The following PTPRF variants were observed in gnomAD, a reference collection of about 807,000 sequenced individuals.
PTPRF encodes the protein protein tyrosine phosphatase receptor type F, also known as receptor-type tyrosine-protein phosphatase F.
In PTPRF, 59 loss-of-function variants were observed where a neutral mutation model predicts 201.8. The ratio of observed to expected loss-of-function variants is 0.29; its 90% CI spans 0.24 to 0.36. The LOEUF (loss-of-function observed/expected upper bound fraction) is 0.36. Among genes scored for constraint, PTPRF ranks in the 10% least tolerant of loss-of-function variants. PTPRF has a pLI of 1.00. For missense variants in PTPRF, 2,132 were observed against 2,690.5 expected, an observed-to-expected ratio of 0.79 and a Z score of 4.59; for synonymous variants, 1,088 against 1,089.7, an observed-to-expected ratio of 1.00 and a Z score of 0.03.
chr1:43,602,067 T>G lies in PTPRF; in HGVS notation c.2314-4T>G. ...CTCCCTTTCTCTCCCTCTCCCGCGG[T>G]CAGTGGCGGCCAGAGGAGTCCGAGG... On this transcript the variant is annotated splice_region_variant and splice_polypyrimidine_tract_variant and intron_variant, in intron 13 of 33. Transcript: ENST00000359947. 6.2e-7 allele frequency: 1 copy of G among 1,612,654 alleles called. No homozygotes were observed. Among genetic ancestry groups the G allele is most frequent in the Non-Finnish European group, 8.5e-7 (1 of 1,178,716 alleles).
intron 1 of PTPRF, among the ~76,000 whole-genome samples, chr1:43,533,281 C>T (rs1643791101): frequency 6.6e-6 from 1 of 152,114 alleles, no homozygotes; most frequent in Admixed American, 6.5e-5. Flanking sequence ...TACAAGGCTG[C>T]CAAGAGAGGA....
At chr1:43,532,726 GT>G (rs11350891) in intron 1 of PTPRF, 152,284 of 154,652 alleles carry the variant, frequency 0.98, 75,033 homozygotes, top group East Asian at 1. Flanking sequence ...GAAAATCCCT[GT>G]TTTTTTACTG....
At chr1:43,538,732 C>A (rs1419993248) in intron 2 of PTPRF, among the ~76,000 whole-genome samples, 1 of 152,190 alleles carries the variant, frequency 6.6e-6, no homozygotes, top group Non-Finnish European at 1.5e-5. Context: ...AAAGACTGTT[C>A]CCATCGACTG....
chr1:43,553,690 C>T lies in PTPRF; in HGVS notation c.237+53C>T. 1.9e-6 allele frequency: 3 copies of T among 1,610,600 alleles called. No individual in the cohort carries two copies. The highest frequency in any genetic ancestry group is 2.5e-6 in the Non-Finnish European group (3 of 1,177,878). ...AGGGCTCAGGGTCTGCCCACACTCTCTCCTTTCAGTGTCCCTCCTCATGGA... is the reference window on the plus strand; with the variant it reads ...AGGGCTCAGGGTCTGCCCACACTCTTTCCTTTCAGTGTCCCTCCTCATGGA... On this transcript the variant is annotated intron_variant, in intron 4 of 33. Transcript: ENST00000359947. This position sits in a 1 kb window ranked among gnomAD's most constrained non-coding sequence, Gnocchi z 4.1.
intron 14 of PTPRF, among the ~76,000 whole-genome samples, chr1:43,602,389 C>T (rs955519125): frequency 3.9e-5 from 6 of 152,232 alleles, no homozygotes; most frequent in East Asian, 1.9e-4. Context: ...CAATCCTGAT[C>T]GTTAGGCCTT....
chr1:43,587,670 G>A (rs1000669740), intron 7 of PTPRF, among the ~76,000 whole-genome samples: 1 of 152,196 alleles, frequency 6.6e-6, no homozygotes, highest in African/African-American at 2.4e-5. Context: ...CAGTGCTCTT[G>A]GGTACTGACT....
At chr1:43,610,771 A>G (rs1656243691) in intron 22 of PTPRF, among the ~76,000 whole-genome samples, 1 of 152,244 alleles carries the variant, frequency 6.6e-6, no homozygotes, top group Non-Finnish European at 1.5e-5. Flanking sequence ...AGGCTGAGGC[A>G]GGAGAATCAC....
In PTPRF at chr1:43,588,703, G is replaced by A; in HGVS notation, c.680-28G>A. 1 of 1,610,112 alleles carries A rather than the reference G, an allele frequency of 6.2e-7. No homozygotes were observed. The highest frequency in any genetic ancestry group is 8.5e-7 in the Non-Finnish European group (1 of 1,179,232). Reference sequence around the variant, plus strand: ...TGCAGTCGTGTGTCCTGCCCGGCCTGTGAGTGCCTCTCTCCCTCCTCCTGC... The same window carrying A: ...TGCAGTCGTGTGTCCTGCCCGGCCTATGAGTGCCTCTCTCCCTCCTCCTGC... On this transcript the variant is annotated intron_variant, in intron 7 of 33. Transcript: ENST00000359947. The surrounding 1 kb of genome is among the most constrained non-coding windows in gnomAD (Gnocchi z 5.3).
chr1:43,522,330 A>G (rs1360943990), upstream of PTPRF, among the ~76,000 whole-genome samples: 2 of 152,166 alleles, frequency 1.3e-5, no homozygotes, highest in South Asian at 2.1e-4. Flanking sequence ...TGAGTGAAAG[A>G]GTAACTCTCC....
chr1:43,609,732 A>G (rs904775858), intron 22 of PTPRF, among the ~76,000 whole-genome samples: 8 of 152,238 alleles, frequency 5.3e-5, no homozygotes, highest in African/African-American at 1.9e-4. Flanking sequence ...CTTAGGTGGC[A>G]AAGCCACTTA....
At chr1:43,581,141 T>A (rs769473175) in intron 7 of PTPRF, among the ~76,000 whole-genome samples, 2 of 152,226 alleles carry the variant, frequency 1.3e-5, no homozygotes, top group Non-Finnish European at 2.9e-5. Flanking sequence ...AGCATCCCTG[T>A]CTGTGGGGCT....
chr1:43,539,335 T>G (rs942373185), intron 2 of PTPRF, among the ~76,000 whole-genome samples: 11 of 152,180 alleles, frequency 7.2e-5, no homozygotes, highest in Admixed American at 6.5e-4. Context: ...TCCCCAAGAC[T>G]GGACACCCTG....
At chr1:43,596,488 C>T (rs673242) in intron 11 of PTPRF, among the ~76,000 whole-genome samples, 41,907 of 151,832 alleles carry the variant, frequency 0.28, 6,828 homozygotes, top group Non-Finnish European at 0.37. Flanking sequence ...CATCACTGGA[C>T]ACAAGGAGAC....
chr1:43,599,095 G>T (rs768485766), intron 13 of PTPRF, among the ~76,000 whole-genome samples, 182 bp downstream of exon 13: 1 of 152,120 alleles, frequency 6.6e-6, no homozygotes, highest in Non-Finnish European at 1.5e-5. Flanking sequence ...GGGTTTTTTG[G>T]GTGTGGGTTT....
chr1:43,544,948 T>G (rs1644568853), intron 2 of PTPRF, 83 bp from the exon 3 acceptor site: 3 of 793,146 alleles, frequency 3.8e-6, no homozygotes, highest in African/African-American at 3.5e-5. Context: ...TGAGGATGAC[T>G]GGGGGTCAGA....
At chr1:43,572,646 C>T (rs1485644249) in intron 6 of PTPRF, among the ~76,000 whole-genome samples, 1 of 152,134 alleles carries the variant, frequency 6.6e-6, no homozygotes, top group Non-Finnish European at 1.5e-5. Context: ...GGACTCAGGC[C>T]CCTGAGCACT....
At chr1:43,609,285 G>C (rs1655883000) in intron 21 of PTPRF, 98 bp from the exon 22 acceptor site, 3 of 922,888 alleles carry the variant, frequency 3.3e-6, no homozygotes, top group African/African-American at 1.6e-5. Flanking sequence ...GGAGGACAGA[G>C]CCGTGGACAT....
rs1396671318 is a variant in PTPRF, at chr1:43,580,098, G to C, written c.679+1178G>C. 3 of 151,508 alleles carry C rather than the reference G, an allele frequency of 2.0e-5. No homozygotes were observed. In the South Asian group the frequency reaches 6.2e-4, roughly 32 times the overall value. The allele number at this position is 151,508 out of a possible 1,614,324, so 9.4% of individuals were successfully genotyped here. A position where few individuals can be genotyped will look rare whatever the true frequency, so the allele number is the denominator to read the frequency against. ...AAAAAAGTACAACTGTCTCCACCCAGGGGATTGTAAAGGAAAGCGGACATG... is the reference window on the plus strand; with the variant it reads ...AAAAAAGTACAACTGTCTCCACCCACGGGATTGTAAAGGAAAGCGGACATG... On this transcript the variant is annotated intron_variant, in intron 7 of 33. Coordinates refer to ENST00000359947, the MANE Select transcript of PTPRF (RefSeq NM_002840.5).
Position 43,609,502 on chromosome 1 carries a change from G to T in PTPRF, c.3973+4G>T, listed in dbSNP as rs778616984. On this transcript the variant is annotated splice_donor_region_variant and intron_variant, in intron 22 of 33. Transcript: ENST00000359947. Reference sequence around the variant, plus strand: ...AGGCTCAACTACCAGACCCCAGGTAGGGCACTCCTATGGCCTGTGTGCCCC... The same window carrying T: ...AGGCTCAACTACCAGACCCCAGGTATGGCACTCCTATGGCCTGTGTGCCCC... The T allele has an allele frequency of 3.1e-6, 5 of 1,611,234 alleles. No homozygotes were observed. The Admixed American group carries it at 6.7e-5, about 22-fold the overall frequency.
Sources: allele counts gnomAD v4.1 joint callset (sites outside exome capture counted in the v4.1 genomes callset), GRCh38; gene constraint gnomAD v4.1.1; non-coding constraint Gnocchi (gnomAD v3.1); transcripts MANE v1.5; gene names NCBI Gene and HGNC (gene_info 2026-07-23, HGNC 2026-07-21).